CDH13: variants seen among roughly 807,000 people sequenced by gnomAD.
CDH13 encodes the protein cadherin-13.
In CDH13, 24 loss-of-function variants were observed where a neutral mutation model predicts 63.8. The observed-to-expected ratio is 0.38, with a 90% CI of 0.27 to 0.53. The LOEUF is 0.53. Ranked by LOEUF, CDH13 falls within the 20% of genes least tolerant of loss-of-function variation. CDH13 has a pLI of 0.85. For missense variants in CDH13, 1,049 were observed against 903.1 expected (o/e 1.16, Z -2.07); for synonymous variants, 503 against 355.3 (o/e 1.42, Z -4.67).
At chr16:83,459,667 A>G (rs1342665421) in intron 6 of CDH13, among the ~76,000 whole-genome samples, 2 of 152,204 alleles carry the variant, frequency 1.3e-5, no homozygotes, top group African/African-American at 4.8e-5. Context: ...GGAAATTTTG[A>G]TGGTTTCATG....
intron 10 of CDH13, among the ~76,000 whole-genome samples, chr16:83,687,371 G>A (rs1904410269): frequency 6.6e-6 from 1 of 152,164 alleles, no homozygotes; most frequent in African/African-American, 2.4e-5. Flanking sequence ...TTTTGGGGAG[G>A]CCTCAGGAAA....
chr16:82,864,619 G>A (rs1465414714), intron 2 of CDH13, among the ~76,000 whole-genome samples: 1 of 152,102 alleles, frequency 6.6e-6, no homozygotes, highest in South Asian at 2.1e-4. Flanking sequence ...GTTACCTCCA[G>A]CTGGTCACCC....
chr16:82,650,380 C>G (rs1445153243), intron 1 of CDH13, among the ~76,000 whole-genome samples: 1 of 152,168 alleles, frequency 6.6e-6, no homozygotes, highest in African/African-American at 2.4e-5. Flanking sequence ...TGAGATCCAT[C>G]AGATCCCAGA....
intron 6 of CDH13, among the ~76,000 whole-genome samples, chr16:83,358,580 G>A (rs2091100519): frequency 6.6e-6 from 1 of 152,164 alleles, no homozygotes; most frequent in African/African-American, 2.4e-5. Flanking sequence ...AATAACAGCT[G>A]AAATATGCAG....
chr16:83,691,071 C>CGTGT lies in CDH13; in HGVS notation c.1538+12655_1538+12658dup, dbSNP rs58023339. ...ACAGGGATTTGCTAACCAACTGTGC[C>CGTGT]GTGTGTGTGTGTGTGTGTGTGTGTG... is the stretch of plus-strand genomic sequence containing the variant. On this transcript the variant is annotated intron_variant, in intron 10 of 13. Transcript: ENST00000567109. Among the ~76,000 whole-genome samples the CGTGT allele has an allele frequency of 2.7e-3, 380 of 140,996 alleles. 3 individuals carry two copies. The highest frequency in any genetic ancestry group is 7.4e-3 in the Middle Eastern group (2 of 272). 92.5% of individuals were successfully genotyped at this position (140,996 alleles called of 152,430 possible).
At chr16:83,331,466 T>A (rs559932125) in intron 5 of CDH13, among the ~76,000 whole-genome samples, 63 of 152,312 alleles carry the variant, frequency 4.1e-4, no homozygotes, top group African/African-American at 1.4e-3. Context: ...TTGCATGTCT[T>A]AGAGTTTAAC....
At chr16:83,211,514 T>C (rs573123451) in intron 4 of CDH13, among the ~76,000 whole-genome samples, 124 of 152,252 alleles carry the variant, frequency 8.1e-4, no homozygotes, top group African/African-American at 2.9e-3. Context: ...TGTATGCAAA[T>C]ACATTAAAAA....
chr16:83,617,564 A>G (rs534055862), intron 8 of CDH13, among the ~76,000 whole-genome samples: 2 of 151,472 alleles, frequency 1.3e-5, no homozygotes, highest in East Asian at 2.0e-4. Context: ...ATATCTCAAT[A>G]TGCACATATT....
intron 6 of CDH13, among the ~76,000 whole-genome samples, chr16:83,466,199 A>G (rs2073310941): frequency 6.6e-6 from 1 of 152,182 alleles, no homozygotes; most frequent in South Asian, 2.1e-4. Flanking sequence ...AAGTCATTCA[A>G]AAGTTGGAAG....
At chr16:83,587,913 T>C (rs1266101308) in intron 7 of CDH13, among the ~76,000 whole-genome samples, 1 of 151,714 alleles carries the variant, frequency 6.6e-6, no homozygotes, top group African/African-American at 2.4e-5. Flanking sequence ...CTGGCTTTGT[T>C]GAGATTTATC....
At chr16:83,554,662 C>T (rs140878925) in intron 7 of CDH13, among the ~76,000 whole-genome samples, 1 of 151,964 alleles carries the variant, frequency 6.6e-6, no homozygotes, top group East Asian at 1.9e-4. Flanking sequence ...TGCACAAAGG[C>T]CATCACAACC....
Position 83,351,746 on chromosome 16 carries a change from T to C in CDH13, c.781+6740T>C, listed in dbSNP as rs192006918. Among the ~76,000 whole-genome samples the C allele has an allele frequency of 1.9e-4, 29 of 152,356 alleles. 1 individual carries two copies. The highest frequency in any genetic ancestry group is 3.4e-3 in the Middle Eastern group (1 of 294). ...GATATATTTACATGAGCTGGATTAA[T>C]GGGATGGCGGATATGCCCTGTTATG... On this transcript the variant is annotated intron_variant, in intron 6 of 13. Transcript: ENST00000567109.
chr16:82,673,266 CT>C (rs1212836637), intron 1 of CDH13, among the ~76,000 whole-genome samples: 2 of 152,098 alleles, frequency 1.3e-5, no homozygotes, highest in Non-Finnish European at 2.9e-5. Flanking sequence ...AGCCGTGTGT[CT>C]CTTTCCTCTG....
chr16:82,962,909 A>C (rs975969205), intron 2 of CDH13, among the ~76,000 whole-genome samples: 6 of 152,214 alleles, frequency 3.9e-5, no homozygotes, highest in Non-Finnish European at 7.3e-5. Context: ...CTTTAAAAAA[A>C]TTAGATTAGG....
At chr16:82,747,990 G>C (rs930918575) in intron 1 of CDH13, among the ~76,000 whole-genome samples, 1 of 152,154 alleles carries the variant, frequency 6.6e-6, no homozygotes, top group Non-Finnish European at 1.5e-5. Flanking sequence ...CTCAACTTGA[G>C]GAAGTAGATT....
At chr16:83,411,035 G>T (rs1187481462) in intron 6 of CDH13, among the ~76,000 whole-genome samples, 4 of 152,118 alleles carry the variant, frequency 2.6e-5, no homozygotes, top group African/African-American at 9.7e-5. Flanking sequence ...TATCCAGTTG[G>T]TCACTTGCTT....
At chr16:83,659,783 AC>A (rs1289882249) in intron 8 of CDH13, among the ~76,000 whole-genome samples, 2 of 131,412 alleles carry the variant, frequency 1.5e-5, no homozygotes, top group African/African-American at 5.9e-5. Context: ...GCAGTCCACA[AC>A]CTTTTTTTTT....
At chr16:83,004,520 C>T (rs1017152334) in intron 2 of CDH13, among the ~76,000 whole-genome samples, 1 of 151,940 alleles carries the variant, frequency 6.6e-6, no homozygotes, top group Non-Finnish European at 1.5e-5. Context: ...TTGTTTTTTT[C>T]CCAAGACTGA....
intron 3 of CDH13, among the ~76,000 whole-genome samples, chr16:83,061,565 T>C (rs1396540256): frequency 6.6e-6 from 1 of 152,186 alleles, no homozygotes; most frequent in African/African-American, 2.4e-5. Flanking sequence ...TGTTCTCCTA[T>C]GTCCTGAATG....
Sources: gnomAD v4.1 joint callset for allele counts (sites outside exome capture counted in the v4.1 genomes callset) on GRCh38, gnomAD v4.1.1 for gene constraint, MANE v1.5 for transcripts, NCBI Gene and HGNC (gene_info 2026-07-23, HGNC 2026-07-21) for gene names.